Variants in UBR2 observed in about 807,000 individuals in gnomAD.
UBR2 encodes the protein E3 ubiquitin-protein ligase UBR2.
A neutral mutation model predicts 247.9 loss-of-function variants in UBR2; 92 were observed. That is an observed-to-expected ratio of 0.37 (90% CI 0.31 to 0.44). The LOEUF (loss-of-function observed/expected upper bound fraction) is 0.44. Among genes scored for constraint, UBR2 ranks in the 20% least tolerant of loss-of-function variants. UBR2 has a pLI of 1.00. For synonymous variants in UBR2, 672 were observed against 693.5 expected (o/e 0.97, Z 0.49); for missense variants, 1,613 against 2,112.6 (o/e 0.76, Z 4.64).
At chr6:42,682,173 TG>T (rs1165320192) in intron 42 of UBR2, among the ~76,000 whole-genome samples, 1 of 152,172 alleles carries the variant, frequency 6.6e-6, no homozygotes, top group Non-Finnish European at 1.5e-5. Context: ...GGATAAATAC[TG>T]TATGATTCCA....
chr6:42,619,796 C>A, intron 11 of UBR2: 2 of 260,982 alleles, frequency 7.7e-6, no homozygotes, highest in Non-Finnish European at 1.2e-5. Flanking sequence ...CAGCTCACTG[C>A]AGCTTTGACC....
intron 26 of UBR2, among the ~76,000 whole-genome samples, chr6:42,657,743 G>T (rs1051486771): frequency 1.3e-5 from 2 of 152,110 alleles, no homozygotes; most frequent in Non-Finnish European, 2.9e-5. Context: ...CTTATTTTTA[G>T]CTGAATTTGT....
chr6:42,619,453 A>ATTTT lies in UBR2; in HGVS notation c.1281+1955_1281+1958dup, dbSNP rs1554251969. On this transcript the variant is annotated intron_variant, in intron 11 of 46. Transcript: ENST00000372901. ...TATATATATATATATATATATATATATTTTTTTTTTTTAGTTCTCTATCTC... is the reference window on the plus strand; with the variant it reads ...TATATATATATATATATATATATATATTTTTTTTTTTTTTTTAGTTCTCTATCTC... 5.2e-3 allele frequency: 123 copies of ATTTT among 23,820 alleles called. 7 individuals carry two copies. The highest frequency in any genetic ancestry group is 0.03 in the East Asian group (18 of 606). 1.5% of individuals were successfully genotyped at this position (23,820 alleles called of 1,614,324 possible).
intron 4 of UBR2, among the ~76,000 whole-genome samples, chr6:42,598,148 G>A (rs1793118323): frequency 1.3e-5 from 2 of 151,938 alleles, no homozygotes; most frequent in Admixed American, 1.3e-4. Flanking sequence ...TATAGGACAG[G>A]GTTCAGCAAG....
rs1442671470 is a variant in UBR2, at chr6:42,659,348, A to AT, written c.3243-308_3243-307insT. On this transcript the variant is annotated intron_variant, in intron 29 of 46. Coordinates refer to ENST00000372901, the MANE Select transcript of UBR2 (RefSeq NM_001363705.2). The surrounding 1 kb of genome is among the most constrained non-coding windows in gnomAD (Gnocchi z 4.3). ...ATCTCTACTAAAAATACAAAAAAAAAAAATTAGCCGGGTGTGGTGGTGCAT... is the reference window on the plus strand; with the variant it reads ...ATCTCTACTAAAAATACAAAAAAAAATAAATTAGCCGGGTGTGGTGGTGCAT... Among the ~76,000 whole-genome samples the AT allele has an allele frequency of 6.6e-6, 1 of 151,870 alleles. No individual in the cohort carries two copies. The highest frequency in any genetic ancestry group is 2.4e-5 in the African/African-American group (1 of 41,344).
intron 2 of UBR2, among the ~76,000 whole-genome samples, chr6:42,582,648 G>T (rs191437193): frequency 2.0e-5 from 3 of 151,898 alleles, no homozygotes; most frequent in African/African-American, 7.2e-5. Flanking sequence ...AAAACAGGAA[G>T]ACTGTGTTTA....
chr6:42,614,375 T>TATATATGTATCTACGTACATACATAC (rs70990112), intron 8 of UBR2, among the ~76,000 whole-genome samples: 2 of 69,752 alleles, frequency 2.9e-5, no homozygotes, highest in Admixed American at 1.4e-4. Context: ...TGTGTATGTG[T>TATATATGTATCTACGTACATACATAC]GTATATATGT....
chr6:42,604,610 G>T (rs1793580148), intron 5 of UBR2, among the ~76,000 whole-genome samples: 1 of 152,038 alleles, frequency 6.6e-6, no homozygotes, highest in Non-Finnish European at 1.5e-5. Flanking sequence ...CCCCTAACTG[G>T]ACTGCCGTGT....
At chr6:42,582,208 G>A (rs989942117) in intron 2 of UBR2, among the ~76,000 whole-genome samples, 5 of 150,930 alleles carry the variant, frequency 3.3e-5, no homozygotes, top group South Asian at 2.1e-4. Flanking sequence ...ACGTGAACCC[G>A]GGAGGTGGAG....
chr6:42,611,454 C>T (rs1413228685), intron 7 of UBR2, among the ~76,000 whole-genome samples: 1 of 80,842 alleles, frequency 1.2e-5, no homozygotes, highest in African/African-American at 5.9e-5. Context: ...AGCTAGACTC[C>T]ATCTCAAAAA....
chr6:42,669,081 G>A (rs1798283210), intron 34 of UBR2, among the ~76,000 whole-genome samples: 1 of 151,826 alleles, frequency 6.6e-6, no homozygotes, highest in Non-Finnish European at 1.5e-5. Context: ...GCACCACCAT[G>A]TCCCACTCAT....
At chr6:42,666,275 T>A in intron 34 of UBR2, 30 bp downstream of exon 34, 1 of 1,554,772 alleles carries the variant, frequency 6.4e-7, no homozygotes, top group Non-Finnish European at 8.8e-7. Flanking sequence ...CCTTTAATAT[T>A]TGACCCATTT....
chr6:42,614,428 ATATG>A (rs1331250455), intron 8 of UBR2, among the ~76,000 whole-genome samples: 1 of 143,768 alleles, frequency 7.0e-6, no homozygotes, highest in African/African-American at 2.6e-5. Flanking sequence ...ACGTACATAT[ATATG>A]TATGTACGTA....
Position 42,580,547 on chromosome 6 carries a change from A to ATTT in UBR2, c.338+6564_338+6566dup, listed in dbSNP as rs35507530. Among the ~76,000 whole-genome samples, 992 of 148,934 alleles carry ATTT rather than the reference A, an allele frequency of 6.7e-3. 9 individuals carry two copies. The highest frequency in any genetic ancestry group is 0.024 in the African/African-American group (960 of 40,806). ...GTCAAAAGACAAATCTTAATTGTAC[A>ATTT]TTTTTTTTTTTTGAGACAGTCTCAT... On this transcript the variant is annotated intron_variant, in intron 2 of 46. Transcript: ENST00000372901.
intron 1 of UBR2, among the ~76,000 whole-genome samples, chr6:42,570,684 G>GT (rs1791061919): frequency 7.0e-6 from 1 of 143,694 alleles, no homozygotes; most frequent in African/African-American, 2.6e-5. Flanking sequence ...TTTTTTTTTT[G>GT]TTGTTTGTTT....
In UBR2 at chr6:42,576,623, G is replaced by A. The variant is rs563413857; in HGVS notation, c.338+2630G>A. Among the ~76,000 whole-genome samples, 469 of 147,908 alleles carry A rather than the reference G, an allele frequency of 3.2e-3. 1 individual carries two copies. Among genetic ancestry groups the A allele is most frequent in the Middle Eastern group, 7.1e-3 (2 of 280 alleles). On this transcript the variant is annotated intron_variant, in intron 2 of 46. Transcript: ENST00000372901. The stretch of plus-strand genomic sequence containing the variant: ...CGGCTCACTGCAACTTCTGCCTCCC[G>A]GATTCAAGTGATTCTCCTGCCTCTG...
chr6:42,626,814 C>T (rs72861166), intron 11 of UBR2, among the ~76,000 whole-genome samples: 1,824 of 152,246 alleles, frequency 0.012, 31 homozygotes, highest in Non-Finnish European at 0.014. Context: ...ACTGGAAGAA[C>T]GTTGAACTCA....
intron 36 of UBR2, among the ~76,000 whole-genome samples, chr6:42,671,525 A>G (rs1363335020): frequency 6.6e-6 from 1 of 152,082 alleles, no homozygotes; most frequent in Non-Finnish European, 1.5e-5. Flanking sequence ...ACACTTTCTG[A>G]CTTCTATGAA....
At chr6:42,669,496 T>G (rs1463810195) in intron 34 of UBR2, among the ~76,000 whole-genome samples, 1 of 151,978 alleles carries the variant, frequency 6.6e-6, no homozygotes, top group Non-Finnish European at 1.5e-5. Flanking sequence ...TTTCTTATGA[T>G]TTTTTTTGCT....
Sources: allele counts gnomAD v4.1 joint callset (sites outside exome capture counted in the v4.1 genomes callset), GRCh38; gene constraint gnomAD v4.1.1; non-coding constraint Gnocchi (gnomAD v3.1); transcripts MANE v1.5; gene names NCBI Gene and HGNC (gene_info 2026-07-23, HGNC 2026-07-21).